The following AMPH variants were observed in gnomAD, a reference collection of about 807,000 sequenced individuals.
AMPH encodes amphiphysin.
In AMPH, 49 loss-of-function variants were observed where a neutral mutation model predicts 99.1. The observed-to-expected ratio is 0.49, with a 90% CI of 0.39 to 0.63. The LOEUF (loss-of-function observed/expected upper bound fraction) is 0.63, where lower values mean the gene tolerates loss of function less well. Among genes scored for constraint, AMPH ranks in the 20% least tolerant of loss-of-function variants. The pLI is 0.00. For synonymous variants in AMPH, 314 were observed against 317.3 expected (o/e 0.99, Z 0.11); for missense variants, 759 against 863.4 (o/e 0.88, Z 1.52).
chr7:38,463,183 A>G (rs757165039), intron 9 of AMPH, 70 bp from the exon 10 acceptor site: 1 of 1,604,362 alleles, frequency 6.2e-7, no homozygotes, highest in Non-Finnish European at 8.5e-7. Flanking sequence ...GGGGTTTTCC[A>G]TTTCAGAGAA....
At position 38,410,800 on chromosome 7, in the gene AMPH, G is replaced by A. The variant is rs147305369; in HGVS notation, c.1398+7025C>T. Among the ~76,000 whole-genome samples, 368 of 152,226 alleles carry A rather than the reference G, an allele frequency of 2.4e-3. 2 individuals are homozygous for A. Among genetic ancestry groups the A allele is most frequent in the Middle Eastern group, 0.01 (3 of 294 alleles). On this transcript the variant is annotated intron_variant, in intron 17 of 20. Coordinates refer to ENST00000356264, the MANE Select transcript of AMPH (RefSeq NM_001635.4). ...CATCCCCTTTGAAATTTGCTTTGCCGCCAAAGTGGAGGATTAGGACACACA... is the reference window on the plus strand; with the variant it reads ...CATCCCCTTTGAAATTTGCTTTGCCACCAAAGTGGAGGATTAGGACACACA...
intron 16 of AMPH, among the ~76,000 whole-genome samples, chr7:38,418,421 C>A (rs1039851968): frequency 2.6e-5 from 4 of 152,022 alleles, no homozygotes; most frequent in African/African-American, 9.7e-5. Flanking sequence ...AGGAAGAAAT[C>A]GCAGGGCACA....
At chr7:38,548,387 A>C (rs1791065984) in intron 1 of AMPH, among the ~76,000 whole-genome samples, 1 of 152,152 alleles carries the variant, frequency 6.6e-6, no homozygotes, top group Non-Finnish European at 1.5e-5. Context: ...TTAAACAGCT[A>C]TGTTATTTAG....
At chr7:38,569,115 T>G (rs559367623) in intron 1 of AMPH, among the ~76,000 whole-genome samples, 117 of 152,296 alleles carry the variant, frequency 7.7e-4, no homozygotes, top group Admixed American at 1.7e-3. Context: ...AAAATGATAA[T>G]GTAATCCAAC....
intron 1 of AMPH, among the ~76,000 whole-genome samples, chr7:38,616,657 T>TA (rs1000645054): frequency 4.6e-5 from 7 of 152,036 alleles, no homozygotes; most frequent in African/African-American, 1.4e-4. Context: ...AATTTATCAA[T>TA]AAAAAAAGAA....
At chr7:38,497,042 G>A (rs1007901985) in intron 3 of AMPH, among the ~76,000 whole-genome samples, 4 of 152,138 alleles carry the variant, frequency 2.6e-5, no homozygotes, top group Non-Finnish European at 5.9e-5. Context: ...ACTAATTACA[G>A]GGTGGATAAG....
chr7:38,400,879 GT>G (rs1392983387), intron 17 of AMPH, among the ~76,000 whole-genome samples: 1 of 152,034 alleles, frequency 6.6e-6, no homozygotes, highest in African/African-American at 2.4e-5. Context: ...TATAAAGTAG[GT>G]TATTGTAACT....
rs868763090 is a variant in AMPH, at chr7:38,465,635, A to G, written c.667-86T>C. The G allele has an allele frequency of 1.0e-5, 12 of 1,184,924 alleles. 1 individual carries two copies. The highest frequency in any genetic ancestry group is 2.4e-4 in the Middle Eastern group (1 of 4,252). The allele number at this position is 1,184,924 out of a possible 1,614,324, so 73.4% of individuals were successfully genotyped here. A position where few individuals can be genotyped will look rare whatever the true frequency, so the allele number is the denominator to read the frequency against. ...ATTCTCCCCAAGAAAGAAATTGCTT[A>G]TTGAGAAGCTATAAATTTTATGATA... On this transcript the variant is annotated intron_variant, in intron 8 of 20. Coordinates refer to ENST00000356264, the MANE Select transcript of AMPH (RefSeq NM_001635.4).
chr7:38,569,561 G>T (rs1276217826), intron 1 of AMPH, among the ~76,000 whole-genome samples: 1 of 151,752 alleles, frequency 6.6e-6, no homozygotes. Flanking sequence ...GAAAAATAAT[G>T]GCTGGAATAG....
Position 38,441,743 on chromosome 7 carries a change from G to GAT in AMPH, c.1018-5357_1018-5356dup, listed in dbSNP as rs1350147978. 6.8e-5 allele frequency among the ~76,000 whole-genome samples: 9 copies of GAT among 131,496 alleles called. No homozygotes were observed. In the East Asian group the frequency reaches 1.0e-3, roughly 15 times the overall value. The allele number at this position is 131,496 out of a possible 152,430, so 86.3% of individuals were successfully genotyped here. On this transcript the variant is annotated intron_variant, in intron 11 of 20. Coordinates refer to ENST00000356264, the MANE Select transcript of AMPH (RefSeq NM_001635.4). Reference sequence around the variant, plus strand: ...GATAAAGAAAATGATATATATGACAGATATATCATATATATATCATATATA... The same window carrying GAT: ...GATAAAGAAAATGATATATATGACAGATATATATCATATATATATCATATATA...
intron 1 of AMPH, among the ~76,000 whole-genome samples, chr7:38,592,810 C>A (rs528785354): frequency 6.6e-5 from 10 of 152,046 alleles, no homozygotes; most frequent in African/African-American, 2.4e-4. Flanking sequence ...AGACTCCCTG[C>A]ATCTCGGTTC....
chr7:38,403,487 C>T (rs1228345124), intron 17 of AMPH, among the ~76,000 whole-genome samples: 2 of 152,180 alleles, frequency 1.3e-5, no homozygotes, highest in African/African-American at 2.4e-5. Flanking sequence ...GGTGCCATAC[C>T]GGCTGTGCAC....
At chr7:38,461,008 A>T (rs890688481) in intron 11 of AMPH, among the ~76,000 whole-genome samples, 6 of 152,202 alleles carry the variant, frequency 3.9e-5, no homozygotes, top group Non-Finnish European at 8.8e-5. Flanking sequence ...AACAATTTTT[A>T]AAAATAAGAT....
At chr7:38,612,288 C>A (rs1793714982) in intron 1 of AMPH, among the ~76,000 whole-genome samples, 1 of 151,962 alleles carries the variant, frequency 6.6e-6, no homozygotes, top group South Asian at 2.1e-4. Context: ...GTTGGTCAGG[C>A]TGGTCTTGAA....
intron 2 of AMPH, among the ~76,000 whole-genome samples, chr7:38,521,118 T>C (rs1267855488): frequency 1.7e-5 from 1 of 58,554 alleles, no homozygotes; most frequent in African/African-American, 9.4e-5. Context: ...TCCTATAGAG[T>C]GGGCACTGAA....
intron 1 of AMPH, among the ~76,000 whole-genome samples, chr7:38,540,250 C>A (rs1192254450): frequency 1.3e-5 from 2 of 152,136 alleles, no homozygotes; most frequent in Non-Finnish European, 2.9e-5. Context: ...TATTTTGAAA[C>A]AGTAAGATTT....
At chr7:38,444,204 A>C (rs564915071) in intron 11 of AMPH, among the ~76,000 whole-genome samples, 70 of 152,316 alleles carry the variant, frequency 4.6e-4, no homozygotes, top group African/African-American at 1.7e-3. Flanking sequence ...GGAGAGATAT[A>C]CTGCGTCTAT....
chr7:38,406,728 TTCCCTCTC>T lies in AMPH; in HGVS notation c.1398+11089_1398+11096del, dbSNP rs1464481221. On this transcript the variant is annotated intron_variant, in intron 17 of 20. Coordinates refer to ENST00000356264, the MANE Select transcript of AMPH (RefSeq NM_001635.4). ...TCTCTCCTCTCCTCTCTCTCTCCCTTTCCCTCTCTCTCTCTCTCTCTCTCTCTCTCTCT... is the reference window on the plus strand; with the variant it reads ...TCTCTCCTCTCCTCTCTCTCTCCCTTTCTCTCTCTCTCTCTCTCTCTCTCT... Among the ~76,000 whole-genome samples the T allele has an allele frequency of 5.9e-3, 316 of 53,942 alleles. 11 individuals carry two copies. Among genetic ancestry groups the T allele is most frequent in the South Asian group, 9.5e-3 (15 of 1,586 alleles). 35.4% of individuals were successfully genotyped at this position (53,942 alleles called of 152,430 possible).
intron 1 of AMPH, among the ~76,000 whole-genome samples, chr7:38,577,947 A>T (rs1792307463): frequency 6.6e-6 from 1 of 152,188 alleles, no homozygotes; most frequent in South Asian, 2.1e-4. Flanking sequence ...AGCAAATACC[A>T]AGGGCTTAAC....
Sources: allele counts gnomAD v4.1 joint callset (sites outside exome capture counted in the v4.1 genomes callset), GRCh38; gene constraint gnomAD v4.1.1; transcripts MANE v1.5; gene names NCBI Gene and HGNC (gene_info 2026-07-23, HGNC 2026-07-21).